CCSER1: variants seen among roughly 807,000 people sequenced by gnomAD.
CCSER1 encodes the protein serine-rich coiled-coil domain-containing protein 1.
CCSER1 carries 41 observed loss-of-function variants against 82.0 expected under a neutral mutation model. The ratio of observed to expected loss-of-function variants is 0.50; its 90% CI spans 0.39 to 0.65. CCSER1 has a LOEUF of 0.65. Among genes scored for constraint, CCSER1 ranks in the 30% least tolerant of loss-of-function variants. The probability of loss-of-function intolerance (pLI) is 0.00; values close to 1 mark genes in which losing one functional copy is unlikely to be tolerated. For synonymous variants in CCSER1, 414 were observed against 383.9 expected, an observed-to-expected ratio of 1.08 and a Z score of -0.92; for missense variants, 1,119 against 1,064.2, an observed-to-expected ratio of 1.05 and a Z score of -0.72.
chr4:90,667,367 A>C (rs538125767), intron 6 of CCSER1, among the ~76,000 whole-genome samples: 22 of 152,182 alleles, frequency 1.4e-4, no homozygotes, highest in African/African-American at 5.3e-4. Flanking sequence ...ATTATACTTT[A>C]AGTTCTGGGA....
At chr4:91,417,241 G>A (rs1753421004) in intron 10 of CCSER1, among the ~76,000 whole-genome samples, 2 of 151,624 alleles carry the variant, frequency 1.3e-5, no homozygotes, top group African/African-American at 4.8e-5. Context: ...GAAAAGATTG[G>A]TGGAAGTGTA....
chr4:90,271,413 G>A (rs1726252095), intron 1 of CCSER1, among the ~76,000 whole-genome samples: 1 of 152,052 alleles, frequency 6.6e-6, no homozygotes, highest in Admixed American at 6.6e-5. Flanking sequence ...TCAATAAATG[G>A]TTCTGGGAAG....
chr4:91,026,519 T>C (rs1020750376), intron 9 of CCSER1, among the ~76,000 whole-genome samples: 4 of 152,160 alleles, frequency 2.6e-5, no homozygotes, highest in Non-Finnish European at 5.9e-5. Flanking sequence ...CATGGTCTTA[T>C]GATTCCATCA....
chr4:90,529,256 T>G (rs1313016652), intron 5 of CCSER1, among the ~76,000 whole-genome samples: 1 of 152,058 alleles, frequency 6.6e-6, no homozygotes, highest in East Asian at 1.9e-4. Context: ...ACTCTGTCAC[T>G]GGGGCTGGAG....
intron 4 of CCSER1, among the ~76,000 whole-genome samples, chr4:90,416,985 G>C (rs1479376048): frequency 6.6e-6 from 1 of 152,128 alleles, no homozygotes; most frequent in African/African-American, 2.4e-5. Flanking sequence ...ACTTATAAGT[G>C]GGAGCTGAAC....
intron 6 of CCSER1, among the ~76,000 whole-genome samples, chr4:90,650,928 A>G (rs1728639982): frequency 1.3e-5 from 2 of 152,254 alleles, no homozygotes. Flanking sequence ...GTTTAAGAAC[A>G]TAAACTATGA....
At chr4:91,291,054 T>G (rs1743705243) in intron 10 of CCSER1, among the ~76,000 whole-genome samples, 1 of 151,398 alleles carries the variant, frequency 6.6e-6, no homozygotes, top group Non-Finnish European at 1.5e-5. Flanking sequence ...CTTATTAAAA[T>G]CAATTTTTTC....
chr4:91,571,244 T>C (rs1763163845), intron 10 of CCSER1, among the ~76,000 whole-genome samples: 1 of 152,204 alleles, frequency 6.6e-6, no homozygotes, highest in Non-Finnish European at 1.5e-5. Flanking sequence ...CCAAACTTTC[T>C]CACATTTTCC....
intron 10 of CCSER1, among the ~76,000 whole-genome samples, chr4:91,179,733 G>A (rs1733808644): frequency 6.6e-6 from 1 of 152,122 alleles, no homozygotes; most frequent in African/African-American, 2.4e-5. Flanking sequence ...TAGCTTCTTT[G>A]CGATGGGTTT....
intron 5 of CCSER1, among the ~76,000 whole-genome samples, chr4:90,614,321 T>C (rs1579480948): frequency 6.6e-6 from 1 of 152,208 alleles, no homozygotes; most frequent in East Asian, 1.9e-4. Flanking sequence ...AATATTGAAA[T>C]TAGATCAATT....
At chr4:91,340,087 A>T (rs1051293390) in intron 10 of CCSER1, among the ~76,000 whole-genome samples, 2 of 152,200 alleles carry the variant, frequency 1.3e-5, no homozygotes, top group African/African-American at 4.8e-5. Flanking sequence ...ACTGTACTCC[A>T]GCCTGGGCTA....
intron 3 of CCSER1, among the ~76,000 whole-genome samples, chr4:90,346,546 A>G (rs1415555850): frequency 6.6e-6 from 1 of 152,062 alleles, no homozygotes; most frequent in Non-Finnish European, 1.5e-5. Flanking sequence ...AATGCTTTCC[A>G]TTATCAAGTA....
intron 8 of CCSER1, among the ~76,000 whole-genome samples, chr4:90,887,131 T>C (rs1580935479): frequency 6.6e-6 from 1 of 152,316 alleles, no homozygotes; most frequent in African/African-American, 2.4e-5. Flanking sequence ...GGTTATGTGA[T>C]ACAGAATACA....
At chr4:91,136,595 G>A (rs1728490449) in intron 10 of CCSER1, among the ~76,000 whole-genome samples, 1 of 151,994 alleles carries the variant, frequency 6.6e-6, no homozygotes, top group Non-Finnish European at 1.5e-5. Flanking sequence ...AATTCTTTGT[G>A]TTTTCCGAAT....
intron 1 of CCSER1, among the ~76,000 whole-genome samples, chr4:90,160,923 G>A (rs191054968): frequency 1.3e-5 from 2 of 152,206 alleles, no homozygotes; most frequent in African/African-American, 2.4e-5. Flanking sequence ...GATTTTGTGT[G>A]ATATTTTTGC....
At chr4:90,138,750 G>A (rs1002496884) in intron 1 of CCSER1, among the ~76,000 whole-genome samples, 3 of 151,824 alleles carry the variant, frequency 2.0e-5, no homozygotes, top group African/African-American at 7.3e-5. Flanking sequence ...ATATGCACAA[G>A]GTGCAGGTTT....
intron 4 of CCSER1, among the ~76,000 whole-genome samples, chr4:90,442,422 A>G (rs181535464): frequency 1.8e-4 from 27 of 152,338 alleles, no homozygotes; most frequent in Non-Finnish European, 3.8e-4. Flanking sequence ...AGTAAAGCTC[A>G]ATTTATTAAA....
intron 9 of CCSER1, among the ~76,000 whole-genome samples, chr4:90,923,772 T>C (rs1421892290): frequency 6.6e-6 from 1 of 152,240 alleles, no homozygotes. Context: ...TATTTATTTA[T>C]TAACAGTTTA....
chr4:90,378,487 G>A (rs1748710784), intron 3 of CCSER1, among the ~76,000 whole-genome samples: 1 of 152,108 alleles, frequency 6.6e-6, no homozygotes, highest in African/African-American at 2.4e-5. Flanking sequence ...TACTTATACT[G>A]GCAAATGATA....
Sources: allele counts gnomAD v4.1 joint callset (sites outside exome capture counted in the v4.1 genomes callset), GRCh38; gene constraint gnomAD v4.1.1; transcripts MANE v1.5; gene names NCBI Gene and HGNC (gene_info 2026-07-23, HGNC 2026-07-21).